CEP128: variants seen among roughly 807,000 people sequenced by gnomAD.
CEP128 encodes the protein centrosomal protein 128kDa.
A neutral mutation model predicts 156.7 loss-of-function variants in CEP128; 132 were observed. That is an observed-to-expected ratio of 0.84 (90% CI 0.73 to 0.97). CEP128 has a LOEUF of 0.97. Among genes scored for constraint, CEP128 ranks in the 50% least tolerant of loss-of-function variants. CEP128 has a pLI of 0.00. For missense variants in CEP128, 1,252 were observed against 1,281.9 expected (o/e 0.98, Z 0.36); for synonymous variants, 469 against 448.9 (o/e 1.04, Z -0.57).
intron 13 of CEP128, among the ~76,000 whole-genome samples, chr14:80,794,954 T>C (rs1437588754): frequency 6.6e-6 from 1 of 152,152 alleles, no homozygotes; most frequent in African/African-American, 2.4e-5. Flanking sequence ...ATACCAAAGA[T>C]TGAATGCTGT....
At chr14:80,647,151 C>A (rs913644070) in intron 19 of CEP128, among the ~76,000 whole-genome samples, 2 of 142,548 alleles carry the variant, frequency 1.4e-5, no homozygotes, top group Admixed American at 1.4e-4. Flanking sequence ...ACACACACTG[C>A]ATTCTAGAAA....
Position 80,783,654 on chromosome 14 carries a change from TA to T in CEP128, c.2211+1240del, listed in dbSNP as rs536744667. Among the ~76,000 whole-genome samples the T allele has an allele frequency of 1.6e-3, 244 of 152,320 alleles. 1 individual carries two copies. The highest frequency in any genetic ancestry group is 3.0e-3 in the Non-Finnish European group (207 of 68,022). ...CTCTACTTTCTATATTCATCAACTC[TA>T]AAAGATTACTATTCCATAGTTCATC... is the stretch of plus-strand genomic sequence containing the variant. On this transcript the variant is annotated intron_variant, in intron 15 of 24. Transcript: ENST00000555265.
intron 19 of CEP128, among the ~76,000 whole-genome samples, chr14:80,580,906 T>C (rs946540456): frequency 1.1e-4 from 17 of 152,290 alleles, no homozygotes; most frequent in South Asian, 4.1e-4. Flanking sequence ...CCTGGAATAA[T>C]AGGTGTTATT....
chr14:80,857,864 A>C (rs1032127008), intron 9 of CEP128, among the ~76,000 whole-genome samples: 1 of 152,164 alleles, frequency 6.6e-6, no homozygotes, highest in African/African-American at 2.4e-5. Context: ...CATTTAAAAT[A>C]CTCATCTCTC....
At chr14:80,698,487 T>A (rs1896961979) in intron 19 of CEP128, among the ~76,000 whole-genome samples, 1 of 152,120 alleles carries the variant, frequency 6.6e-6, no homozygotes, top group Admixed American at 6.6e-5. Flanking sequence ...TTAGAAATGT[T>A]TAAGAAACAA....
intron 23 of CEP128, among the ~76,000 whole-genome samples, chr14:80,514,048 A>G (rs147786880): frequency 0.014 from 2,131 of 152,242 alleles, 30 homozygotes; most frequent in Middle Eastern, 0.034. Flanking sequence ...GGTCTCCACA[A>G]TCTTTTATCT....
intron 5 of CEP128, 32 bp downstream of exon 5, chr14:80,905,923 T>C: frequency 6.2e-7 from 1 of 1,602,342 alleles, no homozygotes; most frequent in Non-Finnish European, 8.5e-7. Context: ...AAAAATATTT[T>C]TAATGTTTTT....
At chr14:80,729,453 G>C (rs1269540287) in intron 19 of CEP128, among the ~76,000 whole-genome samples, 1 of 151,780 alleles carries the variant, frequency 6.6e-6, no homozygotes, top group Non-Finnish European at 1.5e-5. Context: ...CTACATTTTT[G>C]CAATTGCAAA....
At position 80,732,227 on chromosome 14, in the gene CEP128, C is replaced by T. The variant is rs376061242; in HGVS notation, c.2806+10848G>A. The stretch of plus-strand genomic sequence containing the variant: ...AAACAGCAATAAGTGGCAAATGTCA[C>T]GGAATCCTACCTGAAAGTTTTAACT... On this transcript the variant is annotated intron_variant, in intron 19 of 24. Transcript: ENST00000555265. Among the ~76,000 whole-genome samples the T allele has an allele frequency of 1.5e-4, 23 of 152,080 alleles. No individual in the cohort carries two copies. In the South Asian group the frequency reaches 2.3e-3, roughly 15 times the overall value.
At chr14:80,538,565 TTATCA>T (rs1174470612) in intron 21 of CEP128, among the ~76,000 whole-genome samples, 1 of 152,192 alleles carries the variant, frequency 6.6e-6, no homozygotes, top group African/African-American at 2.4e-5. Context: ...TATATTTGCT[TTATCA>T]TATATCAATC....
intron 21 of CEP128, among the ~76,000 whole-genome samples, chr14:80,544,977 T>C (rs576984070): frequency 2.0e-5 from 3 of 152,302 alleles, no homozygotes; most frequent in Non-Finnish European, 4.4e-5. Flanking sequence ...AATCAATACT[T>C]AAAAAAATTT....
intron 12 of CEP128, among the ~76,000 whole-genome samples, chr14:80,834,949 G>A (rs1885997311): frequency 6.6e-6 from 1 of 152,188 alleles, no homozygotes; most frequent in African/African-American, 2.4e-5. Flanking sequence ...GCTGTTAGGA[G>A]ATGGGGCCTA....
At chr14:80,744,970 C>A (rs1359934914) in intron 18 of CEP128, among the ~76,000 whole-genome samples, 2 of 152,076 alleles carry the variant, frequency 1.3e-5, no homozygotes, top group African/African-American at 4.8e-5. Flanking sequence ...TTGAAATCCT[C>A]GAGAAAATAC....
chr14:80,880,905 A>ATT lies in CEP128; in HGVS notation c.645+14812_645+14813insAA, dbSNP rs1566689674. Among the ~76,000 whole-genome samples, 453 of 101,692 alleles carry ATT rather than the reference A, an allele frequency of 4.5e-3. 8 individuals carry two copies. In the East Asian group the frequency reaches 0.055, roughly 12 times the overall value. 66.7% of individuals were successfully genotyped at this position (101,692 alleles called of 152,430 possible). ...TAATAATAATAATAATAATAATAAT[A>ATT]ATAATTTCAGTAAAGGATACAAAAT... is the stretch of plus-strand genomic sequence containing the variant. On this transcript the variant is annotated intron_variant, in intron 8 of 24. Transcript: ENST00000555265.
chr14:80,606,956 T>C (rs1892804152), intron 19 of CEP128, among the ~76,000 whole-genome samples: 1 of 148,692 alleles, frequency 6.7e-6, no homozygotes, highest in Non-Finnish European at 1.5e-5. Context: ...TCTTACCTTG[T>C]TTTGATACAC....
chr14:80,805,828 G>A (rs1376665308), intron 13 of CEP128, among the ~76,000 whole-genome samples: 1 of 152,148 alleles, frequency 6.6e-6, no homozygotes, highest in Non-Finnish European at 1.5e-5. Context: ...CCTACATGAA[G>A]CTAAATTAGG....
chr14:80,591,511 TC>T (rs1174328123), intron 19 of CEP128, among the ~76,000 whole-genome samples: 1 of 151,850 alleles, frequency 6.6e-6, no homozygotes, highest in Non-Finnish European at 1.5e-5. Flanking sequence ...TAAAGCAAAT[TC>T]TTAGAGACCT....
intron 13 of CEP128, among the ~76,000 whole-genome samples, chr14:80,801,649 C>A (rs565861216): frequency 6.0e-4 from 92 of 152,122 alleles, no homozygotes; most frequent in African/African-American, 2.0e-3. Flanking sequence ...TGGCTCACAC[C>A]TGTAATTCCA....
chr14:80,833,784 C>T (rs1271385727), intron 12 of CEP128, among the ~76,000 whole-genome samples: 7 of 151,868 alleles, frequency 4.6e-5, no homozygotes, highest in East Asian at 1.9e-4. Flanking sequence ...ATGCTTAAGC[C>T]GGGGCAGTGG....
Sources: allele counts gnomAD v4.1 joint callset (sites outside exome capture counted in the v4.1 genomes callset), GRCh38; gene constraint gnomAD v4.1.1; transcripts MANE v1.5; gene names NCBI Gene and HGNC (gene_info 2026-07-23, HGNC 2026-07-21).